GC: variants seen among roughly 807,000 people sequenced by gnomAD.
The protein encoded by GC is GC vitamin D binding protein.
A neutral mutation model predicts 56.7 loss-of-function variants in GC; 43 were observed. The ratio of observed to expected loss-of-function variants is 0.76; its 90% CI spans 0.59 to 0.98. GC has a LOEUF of 0.98. Ranked by LOEUF, GC falls within the 50% of genes least tolerant of loss-of-function variation. The pLI is 0.00. For missense variants in GC, 529 were observed against 545.9 expected (o/e 0.97, Z 0.31); for synonymous variants, 216 against 202.7 (o/e 1.07, Z -0.56).
At chr4:71,778,657 C>A (rs1320752297) in intron 1 of GC, among the ~76,000 whole-genome samples, 1 of 151,684 alleles carries the variant, frequency 6.6e-6, no homozygotes, top group Non-Finnish European at 1.5e-5. Flanking sequence ...TAAAGACAGA[C>A]TTAAAGAAAC....
In GC at chr4:71,747,840, A is replaced by G. The variant is rs192735230; in HGVS notation, c.1396-1635T>C. Among the ~76,000 whole-genome samples, 7 of 152,312 alleles carry G rather than the reference A, an allele frequency of 4.6e-5. No homozygotes were observed. In the East Asian group the frequency reaches 1.4e-3, roughly 29 times the overall value. ...ACAGAGCTGGCAAAAATGTTGACAC[A>G]AAAGAAGAGAGTATGTCTAATGGAG... On this transcript the variant is annotated intron_variant, in intron 11 of 12. Transcript: ENST00000273951.
chr4:71,763,565 C>A (rs1198588994), intron 5 of GC, 63 bp from the exon 6 acceptor site: 3 of 944,898 alleles, frequency 3.2e-6, no homozygotes, highest in Non-Finnish European at 5.0e-6. Flanking sequence ...GTATAAATGG[C>A]AAAAATAGGG....
intron 1 of GC, among the ~76,000 whole-genome samples, chr4:71,795,087 CAATTT>C (rs1006590451): frequency 2.6e-5 from 4 of 152,096 alleles, no homozygotes; most frequent in African/African-American, 9.7e-5. Flanking sequence ...ATTACATGGT[CAATTT>C]TGGAATCAGT....
chr4:71,799,618 G>A (rs902460178), intron 1 of GC, among the ~76,000 whole-genome samples: 2 of 152,192 alleles, frequency 1.3e-5, no homozygotes, highest in Non-Finnish European at 2.9e-5. Flanking sequence ...TCTAAAGTGT[G>A]GGGGTCTCTT....
At chr4:71,746,584 G>A (rs1158799810) in intron 11 of GC, among the ~76,000 whole-genome samples, 9 of 151,550 alleles carry the variant, frequency 5.9e-5, no homozygotes. Flanking sequence ...ATTCAGCCAC[G>A]GCAAGCCTGA....
At chr4:71,762,545 G>A (rs566749091) in intron 6 of GC, among the ~76,000 whole-genome samples, 30 of 152,178 alleles carry the variant, frequency 2.0e-4, no homozygotes, top group Non-Finnish European at 3.2e-4. Context: ...TTTGGGAAGT[G>A]CCAGGGGTGG....
intron 3 of GC, among the ~76,000 whole-genome samples, chr4:71,767,213 G>A (rs1244430688): frequency 1.3e-5 from 2 of 152,086 alleles, no homozygotes; most frequent in Non-Finnish European, 2.9e-5. Context: ...GATCTTTGGA[G>A]CATTGTTTCT....
chr4:71,778,653 C>T (rs761083399), intron 1 of GC, among the ~76,000 whole-genome samples: 10 of 151,768 alleles, frequency 6.6e-5, no homozygotes, highest in African/African-American at 2.4e-4. Context: ...ACTTTAAAGA[C>T]AGACTTAAAG....
rs374208796 is a variant in GC, at chr4:71,763,435, G to A, written c.674C>T (p.Ala225Val). ...LSNRVCSQYA[A>V]YGEKKSRLSN... ...GAGCCTTGATTTCTTCTCCCCATAA[G>A]CAGCATATTGTGAGCAGACTCTATT... is the stretch of plus-strand genomic sequence containing the variant. Residue 225 changes from alanine to valine, a missense_variant, in exon 6 of 13, where the codon GCT (alanine) becomes GTT (valine). Physicochemically the swap from Ala to Val is moderately conservative, Grantham distance 64 (BLOSUM62 0). Coordinates refer to ENST00000273951, the MANE Select transcript of GC (RefSeq NM_000583.4). 6.3e-7 allele frequency: 1 copy of A among 1,599,424 alleles called. No homozygotes were observed.
At chr4:71,778,435 T>A (rs1742575778) in intron 1 of GC, among the ~76,000 whole-genome samples, 1 of 151,918 alleles carries the variant, frequency 6.6e-6, no homozygotes, top group African/African-American at 2.4e-5. Flanking sequence ...CAACTTACAT[T>A]TGATCCAAGG....
chr4:71,796,601 G>A (rs1054292412), intron 1 of GC, among the ~76,000 whole-genome samples: 2 of 152,108 alleles, frequency 1.3e-5, no homozygotes, highest in African/African-American at 4.8e-5. Flanking sequence ...CTTGTGATGG[G>A]TTAGAACATG....
At chr4:71,773,036 G>A (rs1024695989) in intron 1 of GC, among the ~76,000 whole-genome samples, 2 of 151,934 alleles carry the variant, frequency 1.3e-5, no homozygotes, top group African/African-American at 4.8e-5. Flanking sequence ...AAATGTTTTT[G>A]GTGTAAAACC....
chr4:71,773,273 C>T (rs1742399438), intron 1 of GC, among the ~76,000 whole-genome samples: 1 of 152,066 alleles, frequency 6.6e-6, no homozygotes, highest in South Asian at 2.1e-4. Flanking sequence ...AGAATTTTTG[C>T]TTTCTGCAAT....
intron 1 of GC, among the ~76,000 whole-genome samples, chr4:71,802,961 C>G (rs1743287333): frequency 7.0e-6 from 1 of 143,076 alleles, no homozygotes; most frequent in African/African-American, 2.5e-5. Flanking sequence ...CACACCATCA[C>G]AGTCAAAAAA....
At chr4:71,790,899 A>G (rs1387355423) in intron 1 of GC, among the ~76,000 whole-genome samples, 1 of 151,958 alleles carries the variant, frequency 6.6e-6, no homozygotes, top group Non-Finnish European at 1.5e-5. Flanking sequence ...TATATGTCCT[A>G]AAGCTATCCC....
chr4:71,797,827 T>G (rs976031903), intron 1 of GC, among the ~76,000 whole-genome samples: 4 of 152,256 alleles, frequency 2.6e-5, no homozygotes, highest in Non-Finnish European at 4.4e-5. Flanking sequence ...ATTCTCTTTA[T>G]ATCTGTCTTG....
rs541426557 is a variant in GC at position 71,776,753 on chromosome 4, A to G, written c.58+7208T>C. ...CAAACTATTCCATTGTGCCCCAGAA[A>G]TGTATATAATTATAATTTGCCAATT... On this transcript the variant is annotated intron_variant, in intron 1 of 12. Transcript: ENST00000273951. Among the ~76,000 whole-genome samples, 246 of 152,078 alleles carry G rather than the reference A, an allele frequency of 1.6e-3. 3 individuals carry two copies. In the Middle Eastern group the frequency reaches 0.031, roughly 19 times the overall value.
intron 1 of GC, among the ~76,000 whole-genome samples, chr4:71,779,925 A>G (rs1174693364): frequency 1.3e-5 from 2 of 151,858 alleles, no homozygotes; most frequent in African/African-American, 4.8e-5. Context: ...TTCTTCTTGC[A>G]GTTTTATATC....
chr4:71,772,985 T>G (rs894839115), intron 1 of GC, among the ~76,000 whole-genome samples: 2 of 152,138 alleles, frequency 1.3e-5, no homozygotes, highest in Non-Finnish European at 2.9e-5. Flanking sequence ...GCAATGTGAT[T>G]ATTACTAATT....
Sources: gnomAD v4.1 joint callset for allele counts (sites outside exome capture counted in the v4.1 genomes callset) on GRCh38, gnomAD v4.1.1 for gene constraint, MANE v1.5 for transcripts, NCBI Gene and HGNC (gene_info 2026-07-23, HGNC 2026-07-21) for gene names.